Variants in BCAT1 observed in about 807,000 individuals in gnomAD.
BCAT1 encodes branched-chain-amino-acid aminotransferase, cytosolic.
A neutral mutation model predicts 52.4 loss-of-function variants in BCAT1; 48 were observed. The ratio of observed to expected loss-of-function variants is 0.92; its 90% CI spans 0.73 to 1.16. The LOEUF is 1.16. Ranked by LOEUF, BCAT1 falls within the 50% of genes most tolerant of loss-of-function variation. BCAT1 has a pLI of 0.00. For synonymous variants in BCAT1, 167 were observed against 161.3 expected, an observed-to-expected ratio of 1.04 and a Z score of -0.27; for missense variants, 451 against 457.1, an observed-to-expected ratio of 0.99 and a Z score of 0.12.
intron 1 of BCAT1, among the ~76,000 whole-genome samples, chr12:24,922,759 A>C (rs1299898857): frequency 2.6e-5 from 4 of 151,570 alleles, no homozygotes; most frequent in Non-Finnish European, 4.4e-5. Context: ...AGTCCCAGCT[A>C]CTCGGGAGGC....
rs1939655707 is a variant in BCAT1, at chr12:24,810,808, A to G, written c.*7200T>C. The G allele has an allele frequency of 6.6e-6, 1 of 152,212 alleles. No individual in the cohort carries two copies. Among genetic ancestry groups the G allele is most frequent in the Non-Finnish European group, 1.5e-5 (1 of 68,034 alleles). The allele number at this position is 152,212 out of a possible 1,614,324, so 9.4% of individuals were successfully genotyped here. A position where few individuals can be genotyped will look rare whatever the true frequency, so the allele number is the denominator to read the frequency against. On this transcript the variant is annotated 3_prime_UTR_variant, in exon 11 of 11. Coordinates refer to ENST00000261192, the MANE Select transcript of BCAT1 (RefSeq NM_005504.7). Reference sequence around the variant, plus strand: ...CATTTGGGCAAATTATAAGAAAATGAATACAAAATGTGTGACCCTTGGGTA... The same window carrying G: ...CATTTGGGCAAATTATAAGAAAATGGATACAAAATGTGTGACCCTTGGGTA...
At chr12:24,915,466 A>G (rs1324923337) in intron 1 of BCAT1, among the ~76,000 whole-genome samples, 1 of 152,254 alleles carries the variant, frequency 6.6e-6, no homozygotes, top group African/African-American at 2.4e-5. Context: ...ATAAATCTTT[A>G]CATTTCTTCA....
At chr12:24,834,240 A>AT (rs1565452305) in intron 8 of BCAT1, 6 of 981,586 alleles carry the variant, frequency 6.1e-6, no homozygotes, top group Non-Finnish European at 6.0e-6. Flanking sequence ...TATTGTATGT[A>AT]TTTTTTTTCC....
intron 1 of BCAT1, among the ~76,000 whole-genome samples, chr12:24,917,057 T>A (rs1943422268): frequency 6.6e-6 from 1 of 151,920 alleles, no homozygotes; most frequent in Non-Finnish European, 1.5e-5. Flanking sequence ...ATAAAAAAAA[T>A]CAGTAATGTT....
intron 5 of BCAT1, among the ~76,000 whole-genome samples, chr12:24,866,496 G>C (rs573808013): frequency 6.6e-6 from 1 of 152,234 alleles, no homozygotes; most frequent in Non-Finnish European, 1.5e-5. Context: ...TGCACGGCGC[G>C]GGACTGGCAG....
rs557137049 is a variant in BCAT1 at position 24,834,522 on chromosome 12, G to A, written c.904-1659C>T. On this transcript the variant is annotated intron_variant, in intron 8 of 10. Transcript: ENST00000261192. Reference sequence around the variant, plus strand: ...ATTTGAATAAAGGGCAATAAAAATAGAGAGGTTTAAAAAAATAAGATGAGT... The same window carrying A: ...ATTTGAATAAAGGGCAATAAAAATAAAGAGGTTTAAAAAAATAAGATGAGT... 6.5e-4 allele frequency: 631 copies of A among 975,806 alleles called. 1 individual carries two copies. The highest frequency in any genetic ancestry group is 7.5e-4 in the Non-Finnish European group (615 of 821,070). 60.4% of individuals were successfully genotyped at this position (975,806 alleles called of 1,614,324 possible). A position where few individuals can be genotyped will look rare whatever the true frequency, so the allele number is the denominator to read the frequency against.
At chr12:24,871,159 C>G (rs1942175520) in intron 5 of BCAT1, among the ~76,000 whole-genome samples, 1 of 151,002 alleles carries the variant, frequency 6.6e-6, no homozygotes, top group South Asian at 2.1e-4. Context: ...GCCAAGGAGA[C>G]CAGGCCATTC....
In BCAT1 at chr12:24,860,430, G is replaced by A. The variant is rs1015149006; in HGVS notation, c.511-10481C>T. Among the ~76,000 whole-genome samples the A allele has an allele frequency of 8.5e-5, 13 of 152,144 alleles. No homozygotes were observed. In the East Asian group the frequency reaches 2.3e-3, roughly 27 times the overall value. On this transcript the variant is annotated intron_variant, in intron 5 of 10. Coordinates refer to ENST00000261192, the MANE Select transcript of BCAT1 (RefSeq NM_005504.7). Reference sequence around the variant, plus strand: ...GAGCTATTTACAGTTGTTAAAAATTGAGTAAATTATACTCCTATGAGAAAA... The same window carrying A: ...GAGCTATTTACAGTTGTTAAAAATTAAGTAAATTATACTCCTATGAGAAAA...
chr12:24,832,620 G>A (rs1940719558), intron 9 of BCAT1, 103 bp downstream of exon 9: 1 of 1,322,556 alleles, frequency 7.6e-7, no homozygotes, highest in Non-Finnish European at 1.0e-6. Flanking sequence ...CAAAACTTTT[G>A]CATCTTGGGT....
At chr12:24,879,211 A>T (rs928435420) in intron 4 of BCAT1, among the ~76,000 whole-genome samples, 2 of 152,218 alleles carry the variant, frequency 1.3e-5, no homozygotes, top group Admixed American at 1.3e-4. Context: ...AAACTTAAAG[A>T]CTTCCGTTCT....
intron 1 of BCAT1, among the ~76,000 whole-genome samples, chr12:24,925,576 C>A (rs1233014250): frequency 6.7e-6 from 1 of 150,274 alleles, no homozygotes; most frequent in Non-Finnish European, 1.5e-5. Flanking sequence ...AGCTCCCCCT[C>A]CCCCTCTCCC....
intron 10 of BCAT1, among the ~76,000 whole-genome samples, chr12:24,824,231 T>TTGCCTTCCTTCCTTCC (rs1940277534): frequency 4.7e-5 from 1 of 21,074 alleles, no homozygotes; most frequent in African/African-American, 1.2e-4. Flanking sequence ...TGAGTTTACA[T>TTGCCTTCCTTCCTTCC]TTCCTTCCTT....
rs1340128152 is a variant in BCAT1, at chr12:24,810,519, T to C, written c.*7489A>G. On this transcript the variant is annotated 3_prime_UTR_variant, in exon 11 of 11. Transcript: ENST00000261192. ...GATAAATTATATAAGCTCCAGTAAA[T>C]GTATGTCATCACCCTCAGGAATGAC... The C allele has an allele frequency of 6.6e-6, 1 of 152,166 alleles. No homozygotes were observed. Among genetic ancestry groups the C allele is most frequent in the African/African-American group, 2.4e-5 (1 of 41,450 alleles). The allele number at this position is 152,166 out of a possible 1,614,324, so 9.4% of individuals were successfully genotyped here.
chr12:24,859,406 G>T (rs1402962683), intron 5 of BCAT1, among the ~76,000 whole-genome samples: 1 of 152,056 alleles, frequency 6.6e-6, no homozygotes, highest in African/African-American at 2.4e-5. Flanking sequence ...GGATCACGAG[G>T]TCAGAAGATG....
chr12:24,872,127 G>A (rs191039097), intron 5 of BCAT1, among the ~76,000 whole-genome samples: 195 of 152,288 alleles, frequency 1.3e-3, no homozygotes, highest in African/African-American at 4.5e-3. Flanking sequence ...AAGATGATCA[G>A]ATGTATAAGC....
At chr12:24,870,004 A>G (rs868766150) in intron 5 of BCAT1, among the ~76,000 whole-genome samples, 50 of 141,360 alleles carry the variant, frequency 3.5e-4, no homozygotes, top group African/African-American at 1.1e-3. Context: ...GTGTGTATAT[A>G]TGTGTGTGTG....
intron 10 of BCAT1, among the ~76,000 whole-genome samples, chr12:24,819,822 C>A (rs940574445): frequency 2.0e-5 from 3 of 152,158 alleles, no homozygotes; most frequent in Non-Finnish European, 4.4e-5. Flanking sequence ...CTTGCATAAT[C>A]CACACCAGAA....
intron 10 of BCAT1, among the ~76,000 whole-genome samples, chr12:24,826,346 T>A (rs1172030746): frequency 1.3e-5 from 2 of 152,234 alleles, no homozygotes; most frequent in Admixed American, 6.5e-5. Flanking sequence ...GTTTCATTCT[T>A]CTGCATATAA....
At chr12:24,946,856 A>G (rs958225040) in intron 1 of BCAT1, among the ~76,000 whole-genome samples, 1 of 152,244 alleles carries the variant, frequency 6.6e-6, no homozygotes, top group Admixed American at 6.5e-5. Context: ...TCAAATAATT[A>G]GATCTGGTTC....
Sources: gnomAD v4.1 joint callset for allele counts (sites outside exome capture counted in the v4.1 genomes callset) on GRCh38, gnomAD v4.1.1 for gene constraint, MANE v1.5 for transcripts, NCBI Gene and HGNC (gene_info 2026-07-23, HGNC 2026-07-21) for gene names.